Variants in BIN1 observed in about 807,000 individuals in gnomAD.
BIN1 encodes the protein myc box-dependent-interacting protein 1.
BIN1 carries 53 observed loss-of-function variants against 82.0 expected under a neutral mutation model. The observed-to-expected ratio is 0.65, with a 90% CI of 0.52 to 0.81. The LOEUF (loss-of-function observed/expected upper bound fraction) is 0.81. Ranked by LOEUF, BIN1 falls within the 40% of genes least tolerant of loss-of-function variation. The probability of loss-of-function intolerance (pLI) is 0.00; values close to 1 mark genes in which losing one functional copy is unlikely to be tolerated. For missense variants in BIN1, 642 were observed against 784.4 expected, an observed-to-expected ratio of 0.82 and a Z score of 2.17; for synonymous variants, 302 against 328.0, an observed-to-expected ratio of 0.92 and a Z score of 0.86.
At chr2:127,094,081 C>T (rs567645252) in intron 1 of BIN1, among the ~76,000 whole-genome samples, 1 of 152,196 alleles carries the variant, frequency 6.6e-6, no homozygotes, top group Non-Finnish European at 1.5e-5. Context: ...GAAATGGAGA[C>T]ACCTGTTCTC....
chr2:127,101,257 G>A (rs1680317429), intron 1 of BIN1, among the ~76,000 whole-genome samples: 1 of 152,130 alleles, frequency 6.6e-6, no homozygotes, highest in South Asian at 2.1e-4. Flanking sequence ...TGCCAAACAG[G>A]CAGCTTTAGG....
intron 1 of BIN1, among the ~76,000 whole-genome samples, chr2:127,083,359 G>A (rs1040462850): frequency 6.6e-6 from 1 of 152,056 alleles, no homozygotes; most frequent in African/African-American, 2.4e-5. Flanking sequence ...GGGATTGCAG[G>A]TACAAGCCAC....
Position 127,063,950 on chromosome 2 carries a change from C to A in BIN1, c.681G>T (p.Leu227=). 1 of 1,613,820 alleles carries A rather than the reference C, an allele frequency of 6.2e-7. No individual in the cohort carries two copies. The highest frequency in any genetic ancestry group is 8.5e-7 in the Non-Finnish European group (1 of 1,179,988). ...EEMNVDLQEE[L]PSLWNSRVGF... ...GGCCTCACCTGTTCCACAGGGACGGCAGCTCCTCCTGCAGATCCACATTCA... is the reference window on the plus strand; with the variant it reads ...GGCCTCACCTGTTCCACAGGGACGGAAGCTCCTCCTGCAGATCCACATTCA... Residue 227 remains leucine (L), a synonymous_variant, in exon 8 of 19, where the codon CTG becomes CTT. Coordinates refer to ENST00000316724, the MANE Select transcript of BIN1 (RefSeq NM_139343.3).
chr2:127,050,783 T>A lies in BIN1; in HGVS notation c.1572+19A>T. ...CCAGGGCACCGAGGGACTGCAGCAG[T>A]CAGAGGCTGTGGGCTCACCTTGAAC... On this transcript the variant is annotated intron_variant, in intron 17 of 18. Transcript: ENST00000316724. The A allele has an allele frequency of 6.2e-7, 1 of 1,611,464 alleles. No homozygotes were observed. The highest frequency in any genetic ancestry group is 1.1e-5 in the South Asian group (1 of 91,032).
intron 15 of BIN1, among the ~76,000 whole-genome samples, chr2:127,051,820 G>A (rs1682997123): frequency 6.6e-6 from 1 of 152,240 alleles, no homozygotes; most frequent in Admixed American, 6.5e-5. Context: ...CCCCAGAGCT[G>A]GGCTGACCTG....
rs190387741 is a variant in BIN1 at position 127,090,180 on chromosome 2, C to T, written c.85-13474G>A. 2.0e-5 allele frequency among the ~76,000 whole-genome samples: 3 copies of T among 152,320 alleles called. No homozygotes were observed. Among genetic ancestry groups the T allele is most frequent in the Admixed American group, 2.0e-4 (3 of 15,310 alleles). On this transcript the variant is annotated intron_variant, in intron 1 of 18. Transcript: ENST00000316724. The surrounding 1 kb of genome is among the most constrained non-coding windows in gnomAD (Gnocchi z 6.4). ...TCTGCAAGGACCCTGCAAGCCACCC[C>T]ATTACGCTGGGCCCCTTTGGGAAAA... is the stretch of plus-strand genomic sequence containing the variant.
chr2:127,099,324 C>T (rs528738063), intron 1 of BIN1, among the ~76,000 whole-genome samples: 6 of 151,584 alleles, frequency 4.0e-5, no homozygotes, highest in Admixed American at 2.0e-4. Flanking sequence ...GTATGGGATT[C>T]CCCCCAGGAA....
chr2:127,101,167 G>T (rs926159328), intron 1 of BIN1, among the ~76,000 whole-genome samples: 17 of 152,006 alleles, frequency 1.1e-4, no homozygotes, highest in African/African-American at 4.1e-4. Context: ...CTCCATCCTG[G>T]ACAGGTACCC....
Position 127,082,898 on chromosome 2 carries a change from G to A in BIN1, c.85-6192C>T, listed in dbSNP as rs1687479262. Among the ~76,000 whole-genome samples, 2 of 151,734 alleles carry A rather than the reference G, an allele frequency of 1.3e-5. No individual in the cohort carries two copies. The highest frequency in any genetic ancestry group is 2.1e-4 in the South Asian group (1 of 4,780). On this transcript the variant is annotated intron_variant, in intron 1 of 18. Transcript: ENST00000316724. This position sits in a 1 kb window ranked among gnomAD's most constrained non-coding sequence, Gnocchi z 6.1. ...AGCAGCCCTGACGAGAGAGCAGAGG[G>A]AGGAAAAGAGGTTCTAAGCCCACCA...
In BIN1 at chr2:127,053,956, G is replaced by T; in HGVS notation, c.1188C>A (p.Asp396Glu). 1 of 1,551,744 alleles carries T rather than the reference G, an allele frequency of 6.4e-7. No individual in the cohort carries two copies. Residue 396 changes from aspartate (D) to glutamate (E), a missense_variant, in exon 13 of 19, where the codon GAC becomes GAA. Coordinates refer to ENST00000316724, the MANE Select transcript of BIN1 (RefSeq NM_139343.3). ...CAGGGCTCGTCACGGGCGGGAGGGG[G>T]TCAAAGTCCAGGTCCAGCAGACTGG... ...EQASLLDLDFDPLPPVTSPVK... is the reference protein window; with the variant it reads ...EQASLLDLDFEPLPPVTSPVK...
At chr2:127,076,018 C>T (rs1412325036) in intron 2 of BIN1, among the ~76,000 whole-genome samples, 3 of 150,252 alleles carry the variant, frequency 2.0e-5, no homozygotes, top group Admixed American at 6.6e-5. Flanking sequence ...GCTCCCGGCC[C>T]TCTCCCAGCT....
intron 5 of BIN1, among the ~76,000 whole-genome samples, chr2:127,069,757 C>A (rs1393064846): frequency 6.6e-6 from 1 of 152,054 alleles, no homozygotes; most frequent in African/African-American, 2.4e-5. Flanking sequence ...CACACACACA[C>A]ACACACACGT....
intron 2 of BIN1, among the ~76,000 whole-genome samples, chr2:127,074,874 TGTATTTTTA>T (rs1686390107): frequency 6.6e-6 from 1 of 152,208 alleles, no homozygotes; most frequent in Non-Finnish European, 1.5e-5. Flanking sequence ...GGCTAATTTT[TGTATTTTTA>T]GTAGAGGCGG....
chr2:127,094,393 C>G (rs2105298529), intron 1 of BIN1, among the ~76,000 whole-genome samples: 1 of 152,352 alleles, frequency 6.6e-6, no homozygotes, highest in Admixed American at 6.5e-5. Flanking sequence ...CACGATGGGT[C>G]TAGCCTCCCC....
intron 12 of BIN1, among the ~76,000 whole-genome samples, chr2:127,056,970 C>T (rs1683762427): frequency 6.6e-6 from 1 of 152,264 alleles, no homozygotes; most frequent in Admixed American, 6.5e-5. Flanking sequence ...TGGGTGGCTC[C>T]CTGCTGTATC....
Position 127,068,061 on chromosome 2 carries a change from C to T in BIN1, c.612+102G>A. On this transcript the variant is annotated intron_variant, in intron 7 of 18. Transcript: ENST00000316724. The surrounding 1 kb of genome is among the most constrained non-coding windows in gnomAD (Gnocchi z 4.9). ...CAGAGGCCTTTGAAAAACCCTGCCCCAGCTGGGCTCAGATGCCAGCCCTGC... is the reference window on the plus strand; with the variant it reads ...CAGAGGCCTTTGAAAAACCCTGCCCTAGCTGGGCTCAGATGCCAGCCCTGC... 3.3e-6 allele frequency: 4 copies of T among 1,222,782 alleles called. No homozygotes were observed. The highest frequency in any genetic ancestry group is 2.6e-5 in the South Asian group (2 of 77,564). The allele number at this position is 1,222,782 out of a possible 1,614,324, so 75.7% of individuals were successfully genotyped here.
In BIN1 at chr2:127,066,204, C is replaced by T. The variant is rs75135677; in HGVS notation, c.612+1959G>A. Among the ~76,000 whole-genome samples, 832 of 152,360 alleles carry T rather than the reference C, an allele frequency of 5.5e-3. 5 individuals carry two copies. The highest frequency in any genetic ancestry group is 0.019 in the African/African-American group (803 of 41,592). ...AGCTGCCCACAGGCCACTCCAAAGG[C>T]TCTCCAGCCTCCAGCCAGGTATGAG... On this transcript the variant is annotated intron_variant, in intron 7 of 18. Transcript: ENST00000316724.
chr2:127,062,336 G>C, intron 9 of BIN1, 139 bp from the exon 10 acceptor site: 1 of 875,474 alleles, frequency 1.1e-6, no homozygotes, highest in Non-Finnish European at 1.8e-6. Context: ...GTGAGAGCAA[G>C]GAACTAGCAC....
At chr2:127,063,141 T>G (rs1411608794) in intron 9 of BIN1, among the ~76,000 whole-genome samples, 1 of 152,212 alleles carries the variant, frequency 6.6e-6, no homozygotes, top group Non-Finnish European at 1.5e-5. Context: ...GCACAGTGGA[T>G]TCACGCAGAC....
Sources: allele counts gnomAD v4.1 joint callset (sites outside exome capture counted in the v4.1 genomes callset), GRCh38; gene constraint gnomAD v4.1.1; non-coding constraint Gnocchi (gnomAD v3.1); transcripts MANE v1.5; gene names NCBI Gene and HGNC (gene_info 2026-07-23, HGNC 2026-07-21).